LRRIQ1: variants seen among roughly 807,000 people sequenced by gnomAD.
LRRIQ1 encodes leucine-rich repeat- and IQ domain-containing protein 1.
LRRIQ1 carries 210 observed loss-of-function variants against 211.9 expected under a neutral mutation model. That is an observed-to-expected ratio of 0.99 (90% CI 0.89 to 1.11). LRRIQ1 has a LOEUF of 1.11. Among genes scored for constraint, LRRIQ1 ranks in the 50% most tolerant of loss-of-function variants. The pLI, the probability that LRRIQ1 is intolerant of heterozygous loss-of-function variation, is 0.00. For synonymous variants in LRRIQ1, 699 were observed against 650.1 expected, an observed-to-expected ratio of 1.08 and a Z score of -1.14; for missense variants, 2,136 against 1,939.5, an observed-to-expected ratio of 1.10 and a Z score of -1.90.
intron 19 of LRRIQ1, 78 bp from the exon 20 acceptor site, chr12:85,152,202 G>T: frequency 1.7e-6 from 2 of 1,175,308 alleles, no homozygotes; most frequent in Non-Finnish European, 2.4e-6. Flanking sequence ...AACATTTGTA[G>T]TCTATAAGAT....
At chr12:85,071,717 T>G (rs953569139) in intron 10 of LRRIQ1, among the ~76,000 whole-genome samples, 1 of 152,012 alleles carries the variant, frequency 6.6e-6, no homozygotes, top group Non-Finnish European at 1.5e-5. Flanking sequence ...CTCAAAATCA[T>G]GGAGGAAGAC....
intron 13 of LRRIQ1, among the ~76,000 whole-genome samples, chr12:85,101,978 G>T (rs1886382074): frequency 1.3e-5 from 2 of 151,560 alleles, no homozygotes; most frequent in Non-Finnish European, 3.0e-5. Flanking sequence ...GTTGTATTCT[G>T]AATGGTTTAA....
At chr12:85,262,629 T>C (rs930372613) in intron 1 of LRRIQ1, among the ~76,000 whole-genome samples, 9 of 152,102 alleles carry the variant, frequency 5.9e-5, no homozygotes, top group African/African-American at 1.9e-4. Context: ...ATTTTATAGT[T>C]GTGAAACACC....
At chr12:85,263,123 C>T (rs1038018707) in exon 2 of LRRIQ1, 2 of 931,676 alleles carry the variant, frequency 2.1e-6, no homozygotes, top group Admixed American at 6.2e-5. Context: ...GATATCTAGT[C>T]ATGTTACCAA....
At chr12:85,204,366 C>G (rs750748113) in intron 24 of LRRIQ1, among the ~76,000 whole-genome samples, 43 of 152,226 alleles carry the variant, frequency 2.8e-4, no homozygotes, top group South Asian at 6.2e-4. Context: ...AGAGCCCCTA[C>G]TGGGGCACCA....
intron 24 of LRRIQ1, among the ~76,000 whole-genome samples, chr12:85,203,450 G>A (rs1186445625): frequency 6.6e-6 from 1 of 152,178 alleles, no homozygotes; most frequent in African/African-American, 2.4e-5. Flanking sequence ...AGAGGCAGAG[G>A]TGGGAACAGT....
intron 15 of LRRIQ1, among the ~76,000 whole-genome samples, chr12:85,108,458 G>T (rs1286049127): frequency 6.6e-6 from 1 of 152,018 alleles, no homozygotes; most frequent in Non-Finnish European, 1.5e-5. Flanking sequence ...TTGCCTGTGG[G>T]AACTAATCTC....
chr12:85,036,734 G>A (rs1365692825), intron 1 of LRRIQ1, among the ~76,000 whole-genome samples: 1 of 148,246 alleles, frequency 6.7e-6, no homozygotes, highest in African/African-American at 2.5e-5. Context: ...TTCTTTTTCT[G>A]TCTCTCTTTC....
At chr12:85,118,443 G>A (rs763046280) in intron 15 of LRRIQ1, among the ~76,000 whole-genome samples, 11 of 150,756 alleles carry the variant, frequency 7.3e-5, no homozygotes, top group African/African-American at 1.2e-4. Context: ...TCTTTCAGGG[G>A]AGGGAGCAGA....
chr12:85,215,936 G>A lies in LRRIQ1; in HGVS notation c.4823-13581G>A, dbSNP rs1894057688. 2.0e-5 allele frequency among the ~76,000 whole-genome samples: 3 copies of A among 152,118 alleles called. No individual in the cohort carries two copies. In the South Asian group the frequency reaches 6.2e-4, roughly 31 times the overall value. ...AAGCTATAATATAGTGCTTAAACATGTATGTGCTAAACATTATAAAGGAAA... is the reference window on the plus strand; with the variant it reads ...AAGCTATAATATAGTGCTTAAACATATATGTGCTAAACATTATAAAGGAAA... On this transcript the variant is annotated intron_variant, in intron 24 of 26. Coordinates refer to ENST00000393217, the MANE Select transcript of LRRIQ1 (RefSeq NM_001079910.2).
At chr12:85,251,588 G>A (rs571149892) in intron 1 of LRRIQ1, among the ~76,000 whole-genome samples, 2 of 151,858 alleles carry the variant, frequency 1.3e-5, no homozygotes, top group Non-Finnish European at 2.9e-5. Flanking sequence ...AATTTAGCCG[G>A]TAAAGGCAGC....
chr12:85,169,839 A>G (rs933483965), intron 24 of LRRIQ1, among the ~76,000 whole-genome samples: 12 of 152,152 alleles, frequency 7.9e-5, no homozygotes, highest in African/African-American at 2.4e-4. Context: ...AGAATGGTTT[A>G]TTCTTATATC....
intron 24 of LRRIQ1, among the ~76,000 whole-genome samples, chr12:85,214,004 C>T (rs1177347926): frequency 6.6e-6 from 1 of 151,784 alleles, no homozygotes; most frequent in South Asian, 2.1e-4. Flanking sequence ...TTGTGAACAA[C>T]TTTATGTCAA....
intron 3 of LRRIQ1, among the ~76,000 whole-genome samples, chr12:85,042,726 G>A (rs1879046316): frequency 6.6e-6 from 1 of 151,614 alleles, no homozygotes; most frequent in Admixed American, 6.6e-5. Context: ...TTGAAAAAGT[G>A]AAAAACAAAT....
At chr12:85,070,336 C>T (rs1022306070) in intron 10 of LRRIQ1, among the ~76,000 whole-genome samples, 1 of 151,892 alleles carries the variant, frequency 6.6e-6, no homozygotes, top group Non-Finnish European at 1.5e-5. Context: ...AATGTTCATC[C>T]GTTAATTAAT....
chr12:85,209,030 G>T (rs1893704202), intron 24 of LRRIQ1, among the ~76,000 whole-genome samples: 1 of 152,042 alleles, frequency 6.6e-6, no homozygotes, highest in South Asian at 2.1e-4. Flanking sequence ...CCTTAATATT[G>T]GCAACATAGT....
At position 85,057,237 on chromosome 12, in the gene LRRIQ1, A is replaced by G. The variant is rs939301783; in HGVS notation, c.2391+53A>G. ...ACATTTAATTACAATTAGCTCTTTA[A>G]AGTATAACTTTTCAGATCTTAGAAA... On this transcript the variant is annotated intron_variant, in intron 8 of 26. Transcript: ENST00000393217. 1.7e-5 allele frequency: 20 copies of G among 1,207,310 alleles called. No individual in the cohort carries two copies. In the African/African-American group the frequency reaches 2.7e-4, roughly 16 times the overall value. The allele number at this position is 1,207,310 out of a possible 1,614,324, so 74.8% of individuals were successfully genotyped here.
chr12:85,044,677 A>T (rs771827810), intron 3 of LRRIQ1, 41 bp from the exon 4 acceptor site: 1 of 1,010,608 alleles, frequency 9.9e-7, no homozygotes, highest in Non-Finnish European at 1.5e-6. Context: ...GTTGTATTGT[A>T]CTCTAATATT....
In LRRIQ1 at chr12:85,061,723, C is replaced by G. The variant is rs1881826764; in HGVS notation, c.2392-3539C>G. 3.3e-5 allele frequency among the ~76,000 whole-genome samples: 5 copies of G among 151,576 alleles called. No homozygotes were observed. In the South Asian group the frequency reaches 1.0e-3, roughly 32 times the overall value. ...TCATTTTTAGTGTAGAGCCAGTTTT[C>G]CAATTACAGAATGTATATCTGTTTG... On this transcript the variant is annotated intron_variant, in intron 8 of 26. Transcript: ENST00000393217.
Sources: gnomAD v4.1 joint callset for allele counts (sites outside exome capture counted in the v4.1 genomes callset) on GRCh38, gnomAD v4.1.1 for gene constraint, MANE v1.5 for transcripts, NCBI Gene and HGNC (gene_info 2026-07-23, HGNC 2026-07-21) for gene names.